The following KAZN variants were observed in gnomAD, a reference collection of about 807,000 sequenced individuals.
The protein encoded by KAZN is kazrin, periplakin interacting protein, also known as kazrin.
A neutral mutation model predicts 87.4 loss-of-function variants in KAZN; 40 were observed. The ratio of observed to expected loss-of-function variants is 0.46; its 90% CI spans 0.36 to 0.60. The LOEUF (loss-of-function observed/expected upper bound fraction) is 0.60, where lower values mean the gene tolerates loss of function less well. Ranked by LOEUF, KAZN falls within the 20% of genes least tolerant of loss-of-function variation. The probability of loss-of-function intolerance (pLI) is 0.00; values close to 1 mark genes in which losing one functional copy is unlikely to be tolerated. For synonymous variants in KAZN, 466 were observed against 458.3 expected (o/e 1.02, Z -0.22); for missense variants, 898 against 1,073.9 (o/e 0.84, Z 2.29).
At chr1:14,475,615 G>A (rs963157997) in intron 2 of KAZN, among the ~76,000 whole-genome samples, 2 of 152,194 alleles carry the variant, frequency 1.3e-5, no homozygotes, top group Non-Finnish European at 2.9e-5. Flanking sequence ...AGAAATGATG[G>A]AGCGTGGGAA....
At chr1:14,729,682 A>G (rs560343609) in intron 1 of KAZN, among the ~76,000 whole-genome samples, 9 of 152,278 alleles carry the variant, frequency 5.9e-5, no homozygotes, top group Admixed American at 3.9e-4. Flanking sequence ...CCTTTGTAGC[A>G]GTCACTGGCT....
chr1:14,718,137 G>T (rs1340549461), intron 1 of KAZN, among the ~76,000 whole-genome samples: 1 of 152,216 alleles, frequency 6.6e-6, no homozygotes, highest in East Asian at 1.9e-4. Context: ...TTCCTGTCCA[G>T]TCGCATTTTC....
intron 2 of KAZN, among the ~76,000 whole-genome samples, chr1:14,472,555 G>A (rs1441664834): frequency 6.6e-6 from 1 of 152,080 alleles, no homozygotes; most frequent in East Asian, 1.9e-4. Flanking sequence ...TCTTCCAGGA[G>A]GGTAAGAAAG....
intron 1 of KAZN, among the ~76,000 whole-genome samples, chr1:14,645,410 A>T (rs1442817928): frequency 6.6e-6 from 1 of 152,138 alleles, no homozygotes; most frequent in South Asian, 2.1e-4. Flanking sequence ...CATTTTAATG[A>T]TATTAACTCT....
chr1:14,771,781 G>A lies in KAZN; in HGVS notation c.226+172558G>A, dbSNP rs531169245. Among the ~76,000 whole-genome samples, 10 of 152,176 alleles carry A rather than the reference G, an allele frequency of 6.6e-5. No homozygotes were observed. The South Asian group carries it at 1.2e-3, about 19-fold the overall frequency. ...GCGGAGGTTGCAGTGAGCCAAGACC[G>A]TGCCATTGCACTCCAGCCTGGGTGA... is the stretch of plus-strand genomic sequence containing the variant. On this transcript the variant is annotated intron_variant, in intron 1 of 14. Transcript: ENST00000376030.
intron 1 of KAZN, among the ~76,000 whole-genome samples, chr1:14,107,046 T>TCTTCATTCCTTC (rs1644392258): frequency 2.6e-5 from 3 of 115,456 alleles, no homozygotes; most frequent in African/African-American, 1.0e-4. Context: ...TCCCTTCCTT[T>TCTTCATTCCTTC]CTTCCTTCCT....
chr1:14,444,823 G>A lies in KAZN; in HGVS notation c.250-154160G>A, dbSNP rs112894440. On this transcript the variant is annotated intron_variant, in intron 2 of 16. Transcript: ENST00000636203. ...CAAAACATTTATATATCTAATCACC[G>A]CACTAGCCTCATATCTACCCTGAAA... is the stretch of plus-strand genomic sequence containing the variant. 6.6e-3 allele frequency among the ~76,000 whole-genome samples: 1,000 copies of A among 152,060 alleles called. 12 individuals carry two copies. The highest frequency in any genetic ancestry group is 0.021 in the African/African-American group (851 of 41,480).
chr1:14,047,582 G>T (rs1425550054), intron 1 of KAZN, among the ~76,000 whole-genome samples: 1 of 152,116 alleles, frequency 6.6e-6, no homozygotes, highest in African/African-American at 2.4e-5. Context: ...GAAAGAAAAA[G>T]TTTAGTCCGG....
intron 1 of KAZN, among the ~76,000 whole-genome samples, chr1:14,140,421 G>A (rs910006436): frequency 6.6e-6 from 1 of 151,948 alleles, no homozygotes; most frequent in Admixed American, 6.6e-5. Flanking sequence ...TGAAGATCTC[G>A]ATAATTATAA....
chr1:15,099,268 C>T lies in KAZN; in HGVS notation c.1548-2275C>T, dbSNP rs1413178534. Reference sequence around the variant, plus strand: ...CCAGGAAGCATTCAATCAGTGTCTACTGTGCACGTAGACTGTGCTGTTTGG... The same window carrying T: ...CCAGGAAGCATTCAATCAGTGTCTATTGTGCACGTAGACTGTGCTGTTTGG... On this transcript the variant is annotated intron_variant, in intron 10 of 14. Coordinates refer to ENST00000376030, the MANE Select transcript of KAZN (RefSeq NM_201628.3). This position sits in a 1 kb window ranked among gnomAD's most constrained non-coding sequence, Gnocchi z 5.4. Among the ~76,000 whole-genome samples, 1 of 152,216 alleles carries T rather than the reference C, an allele frequency of 6.6e-6. No individual in the cohort carries two copies. Among genetic ancestry groups the T allele is most frequent in the Admixed American group, 6.5e-5 (1 of 15,284 alleles).
intron 2 of KAZN, among the ~76,000 whole-genome samples, chr1:14,413,093 ATATAT>A (rs1219904463): frequency 6.7e-6 from 1 of 149,948 alleles, no homozygotes; most frequent in Non-Finnish European, 1.5e-5. Context: ...TTTATATATA[ATATAT>A]TACATATATA....
intron 2 of KAZN, among the ~76,000 whole-genome samples, chr1:14,365,338 C>T (rs919756479): frequency 9.3e-4 from 134 of 144,372 alleles, no homozygotes; most frequent in Admixed American, 1.7e-3. Flanking sequence ...TGAGCCACCG[C>T]GCCCCGGCGC....
intron 1 of KAZN, among the ~76,000 whole-genome samples, chr1:14,150,982 G>A (rs80126836): frequency 1.3e-5 from 2 of 148,290 alleles, no homozygotes; most frequent in East Asian, 2.1e-4. Context: ...ACACACACAC[G>A]TGTGGGTGTA....
At chr1:14,175,991 A>G (rs1262729116) in intron 1 of KAZN, among the ~76,000 whole-genome samples, 2 of 152,250 alleles carry the variant, frequency 1.3e-5, no homozygotes, top group African/African-American at 2.4e-5. Flanking sequence ...GATAACATAC[A>G]GGGGATATAC....
rs1441939581 is a variant in KAZN, at chr1:15,002,844, T to C, written c.419-31905T>C. On this transcript the variant is annotated intron_variant, in intron 2 of 14. Coordinates refer to ENST00000376030, the MANE Select transcript of KAZN (RefSeq NM_201628.3). ...TAGAAAAATTAGCCTGGTATGGTGG[T>C]GGGCGCCTGTAATCCCAGCTACTCA... Among the ~76,000 whole-genome samples, 11 of 151,832 alleles carry C rather than the reference T, an allele frequency of 7.2e-5. No homozygotes were observed. The East Asian group carries it at 2.1e-3, about 30-fold the overall frequency.
Position 15,012,708 on chromosome 1 carries a change from G to T in KAZN, c.419-22041G>T, listed in dbSNP as rs6657273. On this transcript the variant is annotated intron_variant, in intron 2 of 14. Transcript: ENST00000376030. ...AGGCTGAGGCGGGTGGATCACTTGA[G>T]GCCAGGAGTTTGAGACCAACCTGTC... Among the ~76,000 whole-genome samples the T allele has an allele frequency of 3.8e-3, 585 of 152,270 alleles. 3 individuals carry two copies. The highest frequency in any genetic ancestry group is 0.013 in the African/African-American group (549 of 41,554).
chr1:15,076,880 C>T (rs1178235876), intron 8 of KAZN, among the ~76,000 whole-genome samples: 1 of 152,202 alleles, frequency 6.6e-6, no homozygotes. Flanking sequence ...TGACAAGGAC[C>T]CACCTTGTGG....
At chr1:14,251,643 C>CTTTTTTTTTTTTTTTTTT (rs549092023) in intron 2 of KAZN, among the ~76,000 whole-genome samples, 3 of 90,370 alleles carry the variant, frequency 3.3e-5, no homozygotes, top group Admixed American at 1.3e-4. Flanking sequence ...TTCTCCCGGA[C>CTTTTTTTTTTTTTTTTTT]TTTTTTTTTT....
chr1:14,208,655 G>A (rs1169289628), intron 2 of KAZN, among the ~76,000 whole-genome samples: 1 of 152,184 alleles, frequency 6.6e-6, no homozygotes, highest in Admixed American at 6.5e-5. Context: ...ACTTTGCCAA[G>A]CTGAGCTTTT....
Sources: gnomAD v4.1 joint callset for allele counts (sites outside exome capture counted in the v4.1 genomes callset) on GRCh38, gnomAD v4.1.1 for gene constraint, Gnocchi (gnomAD v3.1) non-coding constraint, MANE v1.5 for transcripts, NCBI Gene and HGNC (gene_info 2026-07-23, HGNC 2026-07-21) for gene names.